UNC5A: variants seen among roughly 807,000 people sequenced by gnomAD.
The protein encoded by UNC5A is netrin receptor UNC5A.
Under a neutral mutation model 87.4 loss-of-function variants are expected in UNC5A, and 20 were observed. That is an observed-to-expected ratio of 0.23 (90% CI 0.16 to 0.33). The LOEUF is 0.33. UNC5A is among the 10% of genes least tolerant of loss of function. The pLI is 1.00. For synonymous variants in UNC5A, 438 were observed against 482.3 expected (o/e 0.91, Z 1.20); for missense variants, 844 against 1,133.4 (o/e 0.74, Z 3.67).
chr5:176,833,670 C>T lies in UNC5A; in HGVS notation c.70+22850C>T, dbSNP rs115187434. ...AGTCTCTGCCCTTTGTGGCTGCACT[C>T]ATTAGCTCAGTCACACAGCCTCTTT... On this transcript the variant is annotated intron_variant, in intron 1 of 14. Coordinates refer to ENST00000329542, the MANE Select transcript of UNC5A (RefSeq NM_133369.3). Among the ~76,000 whole-genome samples, 552 of 152,174 alleles carry T rather than the reference C, an allele frequency of 3.6e-3. 4 individuals carry two copies. The highest frequency in any genetic ancestry group is 0.013 in the African/African-American group (533 of 41,538).
Position 176,879,659 on chromosome 5 carries a change from G to T in UNC5A, c.2364-62G>T, listed in dbSNP as rs942854064. The T allele has an allele frequency of 3.5e-5, 56 of 1,590,614 alleles. No homozygotes were observed. The East Asian group carries it at 5.8e-4, about 17-fold the overall frequency. ...AGGCCCTGCCCTGGGGTGGGCCAGG[G>T]GGGGCAGGAGGTGTCGGCTGGGGCC... On this transcript the variant is annotated intron_variant, in intron 14 of 14. Transcript: ENST00000329542.
In UNC5A at chr5:176,879,111, C is replaced by T. The variant is rs550086384; in HGVS notation, c.2185-199C>T. Among the ~76,000 whole-genome samples, 62 of 152,174 alleles carry T rather than the reference C, an allele frequency of 4.1e-4. 1 individual carries two copies. Among genetic ancestry groups the T allele is most frequent in the African/African-American group, 1.5e-3 (61 of 41,540 alleles). On this transcript the variant is annotated intron_variant, in intron 13 of 14. Coordinates refer to ENST00000329542, the MANE Select transcript of UNC5A (RefSeq NM_133369.3). ...CACAGAGGGCTCCTCTGCTCTCTGG[C>T]TATGTGGCTTTGGGCAGGTCGCTGC...
At chr5:176,860,446 A>G (rs1488464391) in intron 1 of UNC5A, among the ~76,000 whole-genome samples, 1 of 152,136 alleles carries the variant, frequency 6.6e-6, no homozygotes, top group African/African-American at 2.4e-5. Flanking sequence ...TGGGAGGACC[A>G]TGTGGGAGCC....
At chr5:176,861,401 C>T (rs1757835075) in intron 1 of UNC5A, among the ~76,000 whole-genome samples, 1 of 152,236 alleles carries the variant, frequency 6.6e-6, no homozygotes, top group African/African-American at 2.4e-5. Flanking sequence ...CGAGCCTGCC[C>T]TCCAGGGCGC....
chr5:176,818,959 G>A (rs570893932), intron 1 of UNC5A, among the ~76,000 whole-genome samples: 27 of 152,314 alleles, frequency 1.8e-4, no homozygotes, highest in African/African-American at 5.1e-4. Flanking sequence ...GGACTTGCCC[G>A]GGCCACACTT....
rs371270577 is a variant in UNC5A, at chr5:176,874,020, C to A, written c.939C>A (p.Ala313=). Residue 313 remains alanine (A), a synonymous_variant, in exon 7 of 15, where the codon GCC becomes GCA. Coordinates refer to ENST00000329542, the MANE Select transcript of UNC5A (RefSeq NM_133369.3). The surrounding 1 kb of genome is among the most constrained non-coding windows in gnomAD (Gnocchi z 7.6). The part of the protein sequence containing the change: ...VALYVGLIAV[A]VCLVLLLLVL... ...TCTATGTGGGCCTCATCGCCGTGGC[C>A]GTCTGCCTGGTCCTGCTGCTGCTTG... 6 of 1,614,052 alleles carry A rather than the reference C, an allele frequency of 3.7e-6. No individual in the cohort carries two copies. Among genetic ancestry groups the A allele is most frequent in the Middle Eastern group, 1.7e-4 (1 of 6,060 alleles).
intron 1 of UNC5A, among the ~76,000 whole-genome samples, chr5:176,818,220 G>C (rs1247339473): frequency 6.6e-6 from 1 of 152,226 alleles, no homozygotes; most frequent in Non-Finnish European, 1.5e-5. Flanking sequence ...CTGCGAAAGG[G>C]AGGGGAACGT....
chr5:176,811,241 C>G (rs1756444741), intron 1 of UNC5A, among the ~76,000 whole-genome samples: 1 of 152,218 alleles, frequency 6.6e-6, no homozygotes, highest in Non-Finnish European at 1.5e-5. Context: ...TACCTCTTCC[C>G]GGTAGCATCT....
intron 1 of UNC5A, among the ~76,000 whole-genome samples, chr5:176,861,351 G>A (rs557993190): frequency 6.6e-6 from 1 of 152,340 alleles, no homozygotes; most frequent in African/African-American, 2.4e-5. Context: ...TGGGGTGGAT[G>A]GACCTGCCTG....
chr5:176,870,692 C>A (rs1174388046), intron 6 of UNC5A, 158 bp downstream of exon 6: 2 of 831,708 alleles, frequency 2.4e-6, no homozygotes, highest in Non-Finnish European at 3.6e-6. Flanking sequence ...AGCATACCTG[C>A]ACATGGGCCC....
In UNC5A at chr5:176,810,893, T is replaced by C. The variant is rs1223886740; in HGVS notation, c.70+73T>C. On this transcript the variant is annotated intron_variant, in intron 1 of 14. Transcript: ENST00000329542. The surrounding 1 kb of genome is among the most constrained non-coding windows in gnomAD (Gnocchi z 7.3). ...GCGCGAACGCTCGCTGCTCTGGGGG[T>C]CCCTGACCAGCGCTGCCAGACCCGG... The C allele has an allele frequency of 1.9e-5, 22 of 1,168,476 alleles. No individual in the cohort carries two copies. The highest frequency in any genetic ancestry group is 2.3e-5 in the Non-Finnish European group (22 of 943,438). The allele number at this position is 1,168,476 out of a possible 1,614,324, so 72.4% of individuals were successfully genotyped here. A position where few individuals can be genotyped will look rare whatever the true frequency, so the allele number is the denominator to read the frequency against.
In UNC5A at chr5:176,879,458, G is replaced by A. The variant is rs754389756; in HGVS notation, c.2333G>A (p.Arg778Gln). The change falls in exon 14 of 15, where the codon CGG (arginine) becomes CAG (glutamine). Residue 778 changes from arginine (R) to glutamine (Q), a missense_variant. Transcript: ENST00000329542. ...CCCTGTAGGCGGGGTGCCGACTGGC[G>A]GACTCTGGCCCAGAAACTCCACCTG... ...DPPCRRGADW[R>Q]TLAQKLHLDS... 9.3e-6 allele frequency: 15 copies of A among 1,610,786 alleles called. No homozygotes were observed. The highest frequency in any genetic ancestry group is 5.3e-5 in the African/African-American group (4 of 74,862).
intron 1 of UNC5A, among the ~76,000 whole-genome samples, chr5:176,860,603 G>T (rs1229647117): frequency 6.6e-6 from 1 of 152,050 alleles, no homozygotes; most frequent in Non-Finnish European, 1.5e-5. Context: ...CTGGGGTAAG[G>T]GACCCCCTCG....
intron 1 of UNC5A, among the ~76,000 whole-genome samples, chr5:176,843,562 G>A (rs2113625015): frequency 6.6e-6 from 1 of 152,320 alleles, no homozygotes; most frequent in East Asian, 1.9e-4. Flanking sequence ...GATTTAATGG[G>A]GATAAACATT....
intron 1 of UNC5A, among the ~76,000 whole-genome samples, chr5:176,812,792 G>A (rs1756493772): frequency 6.6e-6 from 1 of 152,142 alleles, no homozygotes; most frequent in African/African-American, 2.4e-5. Flanking sequence ...AGGAGCTGCT[G>A]AAGGCCATGG....
At chr5:176,853,363 C>T (rs1757591337) in intron 1 of UNC5A, among the ~76,000 whole-genome samples, 3 of 152,148 alleles carry the variant, frequency 2.0e-5, no homozygotes, top group Admixed American at 6.5e-5. Context: ...AAGGGACCAG[C>T]GGTGCCCCTG....
At position 176,878,118 on chromosome 5, in the gene UNC5A, T is replaced by G; in HGVS notation, c.1860T>G (p.Asp620Glu). 1 of 1,608,536 alleles carries G rather than the reference T, an allele frequency of 6.2e-7. No individual in the cohort carries two copies. The highest frequency in any genetic ancestry group is 8.5e-7 in the Non-Finnish European group (1 of 1,179,812). Residue 620 changes from aspartate to glutamate, a missense_variant, in exon 11 of 15, where the codon GAT becomes GAG. Coordinates refer to ENST00000329542, the MANE Select transcript of UNC5A (RefSeq NM_133369.3). ...TCTACTGCCTGCATGACACCCACGA[T>G]GCACTCAAGGTATCTCCCGCCCCTC... ...IRVYCLHDTH[D>E]ALKEVVQLEK... is the part of the protein sequence containing the mutation.
intron 6 of UNC5A, 71 bp downstream of exon 6, chr5:176,870,605 G>A: frequency 6.7e-7 from 1 of 1,481,974 alleles, no homozygotes; most frequent in Non-Finnish European, 9.0e-7. Context: ...GGGGAGGTGG[G>A]GGCTGAGGGA....
intron 2 of UNC5A, among the ~76,000 whole-genome samples, chr5:176,864,608 T>C (rs1757926372): frequency 6.6e-6 from 1 of 152,196 alleles, no homozygotes; most frequent in East Asian, 1.9e-4. Flanking sequence ...GCCCTTCTCG[T>C]CTGCAGCAGT....
Sources: gnomAD v4.1 joint callset for allele counts (sites outside exome capture counted in the v4.1 genomes callset) on GRCh38, gnomAD v4.1.1 for gene constraint, Gnocchi (gnomAD v3.1) non-coding constraint, MANE v1.5 for transcripts, NCBI Gene and HGNC (gene_info 2026-07-23, HGNC 2026-07-21) for gene names.